Variants in BCAR1 observed in about 807,000 individuals in gnomAD.
The protein encoded by BCAR1 is BCAR1 scaffold protein, Cas family member, also known as breast cancer anti-estrogen resistance protein 1.
BCAR1 carries 30 observed loss-of-function variants against 67.6 expected under a neutral mutation model. The ratio of observed to expected loss-of-function variants is 0.44; its 90% CI spans 0.33 to 0.60. BCAR1 has a LOEUF of 0.60. Ranked by LOEUF, BCAR1 falls within the 20% of genes least tolerant of loss-of-function variation. The probability of loss-of-function intolerance (pLI) is 0.02; values close to 1 mark genes in which losing one functional copy is unlikely to be tolerated. For synonymous variants in BCAR1, 626 were observed against 556.7 expected, an observed-to-expected ratio of 1.12 and a Z score of -1.75; for missense variants, 1,313 against 1,222.3, an observed-to-expected ratio of 1.07 and a Z score of -1.11.
Position 75,242,737 on chromosome 16 carries a change from C to A in BCAR1, c.366G>T (p.Lys122Asn), listed in dbSNP as rs2151435741. 1.3e-6 allele frequency: 2 copies of A among 1,585,022 alleles called. No individual in the cohort carries two copies. The highest frequency in any genetic ancestry group is 4.5e-5 in the East Asian group (2 of 44,566). The part of the protein sequence containing the change: ...DSVYLVPTPS[K>N]AQQGLYQVPG... The stretch of plus-strand genomic sequence containing the variant: ...GGACTTGGTAGAGGCCTTGCTGAGC[C>A]TTGCTGGGAGTGGGCACCAGGTAGA... Residue 122 changes from lysine (K) to asparagine (N), a missense_variant, in exon 2 of 7, where the codon AAG becomes AAT. By Grantham distance (94) the Lys-to-Asn change is moderately conservative. Transcript: ENST00000162330.
intron 6 of BCAR1, 112 bp downstream of exon 6, chr16:75,233,734 C>G (rs2076982748): frequency 1.8e-6 from 2 of 1,128,002 alleles, no homozygotes; most frequent in Non-Finnish European, 2.5e-6. Context: ...GCTCTGAGCA[C>G]TGTCAGACAA....
chr16:75,250,913 C>A, intron 1 of BCAR1: 5 of 985,524 alleles, frequency 5.1e-6, no homozygotes, highest in Non-Finnish European at 4.8e-6. Context: ...CGCTCCGCTC[C>A]CGGAACCCCG....
chr16:75,252,355 G>A, upstream of BCAR1: 1 of 1,525,972 alleles, frequency 6.6e-7, no homozygotes, highest in Non-Finnish European at 8.8e-7. Flanking sequence ...CCTGAGTCCT[G>A]CTCCAACTCA....
chr16:75,247,854 G>A (rs980519467), intron 1 of BCAR1: 34 of 611,446 alleles, frequency 5.6e-5, no homozygotes, highest in Middle Eastern at 6.6e-4. Context: ...TGGGAGCTGG[G>A]AGAAAATGGC....
chr16:75,234,160 GACAGACACACACACACACACACAC>G (rs1212695671), intron 5 of BCAR1, among the ~76,000 whole-genome samples: 3 of 87,804 alleles, frequency 3.4e-5, no homozygotes, highest in Admixed American at 1.5e-4. Flanking sequence ...GGGGCAGGCA[GACAGACACACACACACACACACAC>G]ACACACACAC....
upstream of BCAR1, among the ~76,000 whole-genome samples, chr16:75,254,690 C>T (rs539521290): frequency 6.6e-6 from 1 of 152,296 alleles, no homozygotes; most frequent in East Asian, 1.9e-4. Context: ...GATATGTGGC[C>T]GGGGCACCAG....
At chr16:75,266,842 G>A in intron 1 of BCAR1, 2 of 1,251,864 alleles carry the variant, frequency 1.6e-6, no homozygotes, top group South Asian at 5.1e-5. Context: ...CCACCCCAGG[G>A]AGGAAAGACG....
chr16:75,263,566 G>T, intron 1 of BCAR1: 14 of 985,444 alleles, frequency 1.4e-5, no homozygotes, highest in Non-Finnish European at 1.7e-5. Context: ...GACACCAGCT[G>T]ATCCCCGGCA....
chr16:75,251,657 G>T (rs1447036445), upstream of BCAR1: 1 of 997,744 alleles, frequency 1.0e-6, no homozygotes, highest in Non-Finnish European at 1.2e-6. Flanking sequence ...CGGCCCAGCC[G>T]GCCCAGCCCG....
Position 75,242,985 on chromosome 16 carries a change from G to A in BCAR1, c.118C>T (p.Leu40=), listed in dbSNP as rs751493157. ...AGCGAGCAGAGCCACCAGCCGTCCA[G>A]GCCCTGCGTGTCCTGCTCCAGCACC... is the stretch of plus-strand genomic sequence containing the variant. ...MTVLEQDTQG[L]DGWWLCSLHG... Residue 40 remains leucine (L), a synonymous_variant, in exon 2 of 7, where the codon CTG becomes TTG. Transcript: ENST00000162330. 2.5e-6 allele frequency: 4 copies of A among 1,613,612 alleles called. No homozygotes were observed. Among genetic ancestry groups the A allele is most frequent in the South Asian group, 2.2e-5 (2 of 91,068 alleles).
At chr16:75,261,122 C>T (rs1043987205) in intron 1 of BCAR1, among the ~76,000 whole-genome samples, 2 of 152,220 alleles carry the variant, frequency 1.3e-5, no homozygotes, top group Admixed American at 6.5e-5. Flanking sequence ...ACACTTCTGC[C>T]GAGGTCCCCA....
At chr16:75,264,712 G>T (rs2077967935) in intron 1 of BCAR1, 2 of 1,188,146 alleles carry the variant, frequency 1.7e-6, no homozygotes, top group Non-Finnish European at 2.1e-6. Context: ...ACTCACTCTG[G>T]GATAGTTAAT....
upstream of BCAR1, among the ~76,000 whole-genome samples, chr16:75,252,695 C>T (rs1022553903): frequency 1.5e-4 from 23 of 152,212 alleles, no homozygotes; most frequent in Admixed American, 8.5e-4. Context: ...GGGGTAGACC[C>T]GGCTTCACGC....
intron 1 of BCAR1, chr16:75,250,541 A>T: frequency 1.4e-6 from 1 of 740,684 alleles, no homozygotes; most frequent in Non-Finnish European, 1.6e-6. Context: ...CTCAGGAGGG[A>T]ACGGGAGCCT....
chr16:75,267,234 A>C (rs2151488828), intron 1 of BCAR1, among the ~76,000 whole-genome samples: 1 of 152,310 alleles, frequency 6.6e-6, no homozygotes, highest in Middle Eastern at 3.4e-3. Flanking sequence ...CGAGAGACCC[A>C]AGTCCCTGTT....
At position 75,235,299 on chromosome 16, in the gene BCAR1, C is replaced by A. The variant is rs866508880; in HGVS notation, c.1600G>T (p.Asp534Tyr). The A allele has an allele frequency of 6.2e-7, 1 of 1,606,184 alleles. No homozygotes were observed. The highest frequency in any genetic ancestry group is 8.5e-7 in the Non-Finnish European group (1 of 1,174,842). Reference sequence around the variant, plus strand: ...CTAAGCTTGGCATGCAGGGCACGGTCAGATGTGTGGGCAGCATTGCCCACC... The same window carrying A: ...CTAAGCTTGGCATGCAGGGCACGGTAAGATGTGTGGGCAGCATTGCCCACC... ...SAVGNAAHTS[D>Y]RALHAKLSRQ... Residue 534 changes from aspartate to tyrosine, a missense_variant, in exon 5 of 7, where the codon GAC becomes TAC. Around this residue, in one of 2 missense-constraint regions of BCAR1, gnomAD observed 1,272 missense variants for 1,137.5 expected, o/e 1.12. Transcript: ENST00000162330.
At chr16:75,250,969 C>T in intron 1 of BCAR1, 3 of 985,766 alleles carry the variant, frequency 3.0e-6, no homozygotes, top group Non-Finnish European at 3.6e-6. Flanking sequence ...GGTGCTCCGG[C>T]TGCGCAGCCT....
Position 75,234,096 on chromosome 16 carries a change from GACAC to G in BCAR1, c.2011-165_2011-162del, listed in dbSNP as rs112392504. ...ACGCACACACACACTAGCACACGTG[GACAC>G]ACACACACACACAAGCACACGTGAA... On this transcript the variant is annotated intron_variant, in intron 5 of 6. Transcript: ENST00000162330. 4.1e-3 allele frequency among the ~76,000 whole-genome samples: 608 copies of G among 148,492 alleles called. 5 individuals are homozygous for G. Among genetic ancestry groups the G allele is most frequent in the African/African-American group, 0.014 (552 of 40,358 alleles).
chr16:75,234,058 CACGCACACGTGG>C (rs2077000291), intron 5 of BCAR1, 123 bp from the exon 6 acceptor site: 6 of 840,824 alleles, frequency 7.1e-6, no homozygotes, highest in Non-Finnish European at 1.2e-5. Context: ...CGCGCACACA[CACGCACACGTGG>C]ACGCACACAC....
Sources: allele counts gnomAD v4.1 joint callset (sites outside exome capture counted in the v4.1 genomes callset), GRCh38; gene constraint gnomAD v4.1.1; regional missense constraint gnomAD v4.1.1; transcripts MANE v1.5; gene names NCBI Gene and HGNC (gene_info 2026-07-23, HGNC 2026-07-21).